Variants in LRPPRC observed in about 807,000 individuals in gnomAD.
The protein encoded by LRPPRC is leucine rich pentatricopeptide repeat containing, also known as leucine-rich PPR motif-containing protein, mitochondrial.
LRPPRC carries 120 observed loss-of-function variants against 180.3 expected under a neutral mutation model. The observed-to-expected ratio is 0.67, with a 90% confidence interval of 0.57 to 0.77. LRPPRC has a LOEUF of 0.77. LRPPRC is among the 30% of genes least tolerant of loss of function. The pLI, the probability that LRPPRC is intolerant of heterozygous loss-of-function variation, is 0.00. For synonymous variants in LRPPRC, 723 were observed against 600.0 expected, an observed-to-expected ratio of 1.21 and a Z score of -3.00; for missense variants, 2,012 against 1,657.2, an observed-to-expected ratio of 1.21 and a Z score of -3.72.
chr2:43,946,107 A>T lies in LRPPRC; in HGVS notation c.2210+6T>A, dbSNP rs374997636. The T allele has an allele frequency of 6.2e-7, 1 of 1,612,032 alleles. No individual in the cohort carries two copies. The highest frequency in any genetic ancestry group is 1.7e-5 in the Admixed American group (1 of 59,974). ...TGACAACTTGTTTCAGTGCCAGGGT[A>T]CTCACAATTCTTCTTTCAAGTTCAA... On this transcript the variant is annotated splice_donor_region_variant and intron_variant, in intron 21 of 37. Coordinates refer to ENST00000260665, the MANE Select transcript of LRPPRC (RefSeq NM_133259.4).
rs777117518 is a variant in LRPPRC, at chr2:43,945,384, G to A, written c.2244C>T (p.Thr748=). ...CTCTTACAAGGCCTACATACTTGCC[G>A]GTGTCAAGGACAGCAGATGAATCTA... ...DRLDSSAVLD[T]GKYVGLVRVL... The change falls in exon 22 of 38, where the codon ACC becomes ACT. Residue 748 remains threonine, a synonymous_variant. Transcript: ENST00000260665. 2.0e-5 allele frequency: 33 copies of A among 1,612,082 alleles called. No homozygotes were observed. Among genetic ancestry groups the A allele is most frequent in the Admixed American group, 3.3e-5 (2 of 59,938 alleles).
intron 7 of LRPPRC, 102 bp from the exon 8 acceptor site, chr2:43,974,860 C>T: frequency 2.5e-6 from 3 of 1,220,172 alleles, no homozygotes; most frequent in Non-Finnish European, 3.6e-6. Flanking sequence ...GGAAAAATAC[C>T]ACCTAAAGGT....
At chr2:43,990,625 C>A (rs1219039435) in intron 1 of LRPPRC, among the ~76,000 whole-genome samples, 4 of 152,172 alleles carry the variant, frequency 2.6e-5, no homozygotes, top group Non-Finnish European at 5.9e-5. Context: ...TCTGAATATC[C>A]ACTACCATGT....
chr2:43,928,972 A>G (rs1671986719), intron 25 of LRPPRC, among the ~76,000 whole-genome samples: 8 of 152,234 alleles, frequency 5.3e-5, no homozygotes, highest in Admixed American at 5.2e-4. Context: ...CATATTCTGT[A>G]TGTTACATGT....
chr2:43,957,020 C>T (rs79779907), intron 14 of LRPPRC, among the ~76,000 whole-genome samples: 3,021 of 152,272 alleles, frequency 0.02, 105 homozygotes, highest in African/African-American at 0.069. Flanking sequence ...TCTGAGCACA[C>T]AGAAGGGGAG....
intron 14 of LRPPRC, among the ~76,000 whole-genome samples, chr2:43,952,728 A>T (rs1672953701): frequency 6.6e-6 from 1 of 152,202 alleles, no homozygotes; most frequent in African/African-American, 2.4e-5. Context: ...TTTGTTTCCC[A>T]GAAGAGGAAA....
At chr2:43,952,188 C>T (rs746175106) in intron 14 of LRPPRC, among the ~76,000 whole-genome samples, 14 of 151,516 alleles carry the variant, frequency 9.2e-5, no homozygotes, top group Non-Finnish European at 1.3e-4. Flanking sequence ...AGCGAAATTC[C>T]GTCTCAAAAG....
At chr2:43,946,367 T>A (rs1672682423) in intron 20 of LRPPRC, 124 bp from the exon 21 acceptor site, 14 of 732,580 alleles carry the variant, frequency 1.9e-5, no homozygotes, top group Middle Eastern at 3.2e-4. Flanking sequence ...TGGTTTCATG[T>A]TAACAACCTG....
intron 23 of LRPPRC, among the ~76,000 whole-genome samples, chr2:43,935,287 T>C (rs1672236423): frequency 6.6e-6 from 1 of 152,238 alleles, no homozygotes; most frequent in South Asian, 2.1e-4. Context: ...CCTTTAACAA[T>C]TGTATCTCAA....
intron 27 of LRPPRC, among the ~76,000 whole-genome samples, chr2:43,921,772 A>C (rs1168127490): frequency 6.6e-6 from 1 of 152,210 alleles, no homozygotes; most frequent in Non-Finnish European, 1.5e-5. Context: ...ATAATGGAGG[A>C]GGAAAAAGCC....
chr2:43,978,515 C>T (rs1431768421), intron 3 of LRPPRC, among the ~76,000 whole-genome samples: 1 of 152,024 alleles, frequency 6.6e-6, no homozygotes, highest in Non-Finnish European at 1.5e-5. Flanking sequence ...TAGAATGTAA[C>T]CTTTTCTGCA....
intron 11 of LRPPRC, among the ~76,000 whole-genome samples, chr2:43,966,716 A>G (rs1269225595): frequency 6.6e-6 from 1 of 151,322 alleles, no homozygotes; most frequent in East Asian, 1.9e-4. Flanking sequence ...CCAATACAAA[A>G]TTTTTAAAAA....
chr2:43,904,557 G>A (rs187954786), intron 31 of LRPPRC: 3 of 152,124 alleles, frequency 2.0e-5, no homozygotes, highest in East Asian at 3.9e-4. Context: ...GCTGGGCGTG[G>A]TGGCGGGCGC....
Position 43,960,623 on chromosome 2 carries a change from A to C in LRPPRC, c.1500T>G (p.Cys500Trp). ...SARAILQENGCLSDSDMFSQA... is the reference protein window; with the variant it reads ...SARAILQENGWLSDSDMFSQA... ...GAGAAAACATATCACTATCAGACAGACATCCATTTTCCTGGAGATAAAGCA... is the reference window on the plus strand; with the variant it reads ...GAGAAAACATATCACTATCAGACAGCCATCCATTTTCCTGGAGATAAAGCA... The change falls in exon 13 of 38, where the codon TGT becomes TGG. Residue 500 changes from cysteine to tryptophan, a missense_variant. Cys to Trp is a radical substitution (Grantham distance 215, BLOSUM62 -2). Transcript: ENST00000260665. 6.3e-7 allele frequency: 1 copy of C among 1,580,794 alleles called. No homozygotes were observed. The highest frequency in any genetic ancestry group is 8.7e-7 in the Non-Finnish European group (1 of 1,151,398).
chr2:43,970,881 G>A (rs952576920), intron 11 of LRPPRC, among the ~76,000 whole-genome samples: 1 of 152,058 alleles, frequency 6.6e-6, no homozygotes. Flanking sequence ...GGGTGATCAC[G>A]TGAGGTCAGG....
At chr2:43,965,860 C>T (rs1236731256) in intron 11 of LRPPRC, among the ~76,000 whole-genome samples, 3 of 152,028 alleles carry the variant, frequency 2.0e-5, no homozygotes, top group African/African-American at 4.8e-5. Flanking sequence ...AAGTCAAAAG[C>T]GATTAGACAG....
chr2:43,954,660 T>C (rs901549862), intron 14 of LRPPRC, among the ~76,000 whole-genome samples: 5 of 152,216 alleles, frequency 3.3e-5, no homozygotes, highest in Admixed American at 1.3e-4. Context: ...ATAATATATA[T>C]GTACACACAT....
chr2:43,977,069 C>G lies in LRPPRC; in HGVS notation c.592-17G>C. On this transcript the variant is annotated splice_polypyrimidine_tract_variant and intron_variant, in intron 4 of 37. Coordinates refer to ENST00000260665, the MANE Select transcript of LRPPRC (RefSeq NM_133259.4). Reference sequence around the variant, plus strand: ...GTATGTCACCTGTCAATGAAATGGGCCAGTTAATTTTAAATATACTTTTTT... The same window carrying G: ...GTATGTCACCTGTCAATGAAATGGGGCAGTTAATTTTAAATATACTTTTTT... The G allele has an allele frequency of 6.2e-7, 1 of 1,611,464 alleles. No individual in the cohort carries two copies. Among genetic ancestry groups the G allele is most frequent in the Non-Finnish European group, 8.5e-7 (1 of 1,178,146 alleles).
intron 12 of LRPPRC, among the ~76,000 whole-genome samples, chr2:43,961,590 T>C (rs933386640): frequency 1.4e-4 from 21 of 152,208 alleles, no homozygotes; most frequent in African/African-American, 5.1e-4. Context: ...TGTTCTCTAA[T>C]TTATCAACAA....
Sources: gnomAD v4.1 joint callset for allele counts (sites outside exome capture counted in the v4.1 genomes callset) on GRCh38, gnomAD v4.1.1 for gene constraint, MANE v1.5 for transcripts, NCBI Gene and HGNC (gene_info 2026-07-23, HGNC 2026-07-21) for gene names.